Variants in YAP1 observed in about 807,000 individuals in gnomAD.
YAP1 encodes the protein Yes1 associated transcriptional regulator, also known as transcriptional coactivator YAP1.
Under a neutral mutation model 56.9 loss-of-function variants are expected in YAP1, and 5 were observed. That is an observed-to-expected ratio of 0.09 (90% CI 0.05 to 0.18). The LOEUF (loss-of-function observed/expected upper bound fraction) is 0.18, where lower values mean the gene tolerates loss of function less well. YAP1 is among the 10% of genes least tolerant of loss of function. YAP1 has a pLI of 1.00. For missense variants in YAP1, 539 were observed against 651.8 expected, an observed-to-expected ratio of 0.83 and a Z score of 1.88; for synonymous variants, 265 against 248.1, an observed-to-expected ratio of 1.07 and a Z score of -0.64.
At chr11:102,161,260 C>A (rs1331104242) in intron 2 of YAP1, among the ~76,000 whole-genome samples, 1 of 150,834 alleles carries the variant, frequency 6.6e-6, no homozygotes, top group East Asian at 2.0e-4. Flanking sequence ...GATGGGGTTT[C>A]ACCGTGTTAG....
In YAP1 at chr11:102,229,744, G is replaced by A. The variant is rs746828299; in HGVS notation, c.1319G>A (p.Arg440His). The change falls in exon 9 of 9, where the codon CGT (arginine) becomes CAT (histidine). Residue 440 changes from arginine to histidine, a missense_variant. Around this residue, in one of 4 missense-constraint regions of YAP1, gnomAD observed 414 missense variants for 512.4 expected, o/e 0.81. Coordinates refer to ENST00000282441, the MANE Select transcript of YAP1 (RefSeq NM_001130145.3). ...NQSTLPSQQN[R>H]FPDYLEAIPG... is the part of the protein sequence containing the mutation. ...AGCACCCTGCCCTCACAGCAGAACCGTTTCCCAGACTACCTTGAAGCCATT... is the reference window on the plus strand; with the variant it reads ...AGCACCCTGCCCTCACAGCAGAACCATTTCCCAGACTACCTTGAAGCCATT... 17 of 1,614,122 alleles carry A rather than the reference G, an allele frequency of 1.1e-5. No homozygotes were observed. Among genetic ancestry groups the A allele is most frequent in the Admixed American group, 1.7e-5 (1 of 60,008 alleles).
chr11:102,159,966 C>G (rs1358678847), intron 2 of YAP1, among the ~76,000 whole-genome samples: 1 of 147,936 alleles, frequency 6.8e-6, no homozygotes, highest in African/African-American at 2.5e-5. Context: ...TCAAAAGAAT[C>G]AAAAATCTAT....
chr11:102,189,332 C>T (rs1948155127), intron 4 of YAP1, among the ~76,000 whole-genome samples: 1 of 151,968 alleles, frequency 6.6e-6, no homozygotes, highest in Non-Finnish European at 1.5e-5. Context: ...ATTATAATTG[C>T]TGTTCAGAAT....
intron 1 of YAP1, 65 bp downstream of exon 1, chr11:102,111,234 G>A: frequency 1.3e-6 from 2 of 1,587,874 alleles, no homozygotes; most frequent in African/African-American, 1.3e-5. Flanking sequence ...GGGCGCTCGG[G>A]AGCCGCGGCC....
rs571810977 is a variant in YAP1, at chr11:102,137,906, G to A, written c.572+23512G>A. On this transcript the variant is annotated intron_variant, in intron 2 of 8. Transcript: ENST00000282441. ...TTTTTTTTTCTTTTTTTAAATTTCC[G>A]AGATGGAGTCTTGCTCTGTCGCCCA... 8.6e-5 allele frequency among the ~76,000 whole-genome samples: 13 copies of A among 151,498 alleles called. No individual in the cohort carries two copies. The South Asian group carries it at 1.7e-3, about 19-fold the overall frequency.
intron 2 of YAP1, among the ~76,000 whole-genome samples, chr11:102,122,048 T>C (rs1943688004): frequency 6.6e-6 from 1 of 152,158 alleles, no homozygotes; most frequent in Non-Finnish European, 1.5e-5. Context: ...ACCTTAGGCA[T>C]GAACCACCAC....
At chr11:102,129,846 C>G (rs1020531960) in intron 2 of YAP1, among the ~76,000 whole-genome samples, 1 of 142,460 alleles carries the variant, frequency 7.0e-6, no homozygotes, top group Admixed American at 7.4e-5. Flanking sequence ...GTCACCCAGG[C>G]TGGAGTGATG....
At chr11:102,112,425 CTTT>C (rs751339753) in intron 1 of YAP1, 875 of 821,594 alleles carry the variant, frequency 1.1e-3, no homozygotes, top group Middle Eastern at 2.5e-3. Flanking sequence ...ATTTCTTCTT[CTTT>C]TTTTTTTTTT....
chr11:102,182,296 C>T (rs1947673315), intron 3 of YAP1, among the ~76,000 whole-genome samples: 1 of 152,136 alleles, frequency 6.6e-6, no homozygotes, highest in Admixed American at 6.5e-5. Flanking sequence ...ATAAATTGAA[C>T]ATAAAGGCAT....
At chr11:102,169,982 G>A (rs4754835) in intron 3 of YAP1, among the ~76,000 whole-genome samples, 136,581 of 152,258 alleles carry the variant, frequency 0.9, 63,100 homozygotes, top group East Asian at 1. Context: ...ATAATATCCA[G>A]CTTGCAAATG....
rs1219301167 is a variant in YAP1 at position 102,197,528 on chromosome 11, T to C, written c.803-8365T>C. Reference sequence around the variant, plus strand: ...CTTGGGGAAAAAAAACCTATGGTGATGACCCCTTTCTTTTATTTTTGAGAA... The same window carrying C: ...CTTGGGGAAAAAAAACCTATGGTGACGACCCCTTTCTTTTATTTTTGAGAA... On this transcript the variant is annotated intron_variant, in intron 4 of 8. Coordinates refer to ENST00000282441, the MANE Select transcript of YAP1 (RefSeq NM_001130145.3). Among the ~76,000 whole-genome samples, 3 of 152,162 alleles carry C rather than the reference T, an allele frequency of 2.0e-5. No individual in the cohort carries two copies. In the East Asian group the frequency reaches 5.8e-4, roughly 29 times the overall value.
chr11:102,210,054 A>T (rs937265993), intron 6 of YAP1, among the ~76,000 whole-genome samples: 2 of 152,126 alleles, frequency 1.3e-5, no homozygotes, highest in Non-Finnish European at 2.9e-5. Context: ...TTATCAGGAG[A>T]GTATCTGCCT....
rs1051853635 is a variant in YAP1 at position 102,117,979 on chromosome 11, T to G, written c.572+3585T>G. 2.0e-5 allele frequency among the ~76,000 whole-genome samples: 3 copies of G among 152,324 alleles called. No individual in the cohort carries two copies. The South Asian group carries it at 6.2e-4, about 32-fold the overall frequency. ...ATTTCTTTATAAGCTGCTGAATAAC[T>G]TCCTGACTCAGTATTCTATAATATC... On this transcript the variant is annotated intron_variant, in intron 2 of 8. Transcript: ENST00000282441.
Position 102,112,842 on chromosome 11 carries a change from C to G in YAP1, c.322-1302C>G, listed in dbSNP as rs569179648. 62 of 905,170 alleles carry G rather than the reference C, an allele frequency of 6.8e-5. 1 individual carries two copies. The South Asian group carries it at 1.9e-3, about 28-fold the overall frequency. 56.1% of individuals were successfully genotyped at this position (905,170 alleles called of 1,614,324 possible). ...CCCTACAGACTGCACGGTATGTTTT[C>G]AAAGTATAATACACATAGATTGGAT... On this transcript the variant is annotated intron_variant, in intron 1 of 8. Coordinates refer to ENST00000282441, the MANE Select transcript of YAP1 (RefSeq NM_001130145.3).
intron 4 of YAP1, among the ~76,000 whole-genome samples, chr11:102,196,442 A>G (rs1223290342): frequency 6.6e-6 from 1 of 152,190 alleles, no homozygotes; most frequent in Non-Finnish European, 1.5e-5. Context: ...GGAAAACATT[A>G]TAAATGAGAA....
intron 6 of YAP1, among the ~76,000 whole-genome samples, chr11:102,210,217 C>T (rs972282377): frequency 6.6e-6 from 1 of 152,136 alleles, no homozygotes; most frequent in Non-Finnish European, 1.5e-5. Flanking sequence ...GGAAGAATCT[C>T]GTTCTTAAAA....
At chr11:102,214,739 T>G (rs1170557128) in intron 6 of YAP1, among the ~76,000 whole-genome samples, 1 of 152,216 alleles carries the variant, frequency 6.6e-6, no homozygotes, top group Non-Finnish European at 1.5e-5. Flanking sequence ...TCACATACTT[T>G]TAACTGGTTA....
At chr11:102,228,773 T>G (rs1017828720) in intron 8 of YAP1, among the ~76,000 whole-genome samples, 2 of 151,916 alleles carry the variant, frequency 1.3e-5, no homozygotes, top group Non-Finnish European at 2.9e-5. Flanking sequence ...AGTTGACAAC[T>G]GCCAGAGTGC....
At chr11:102,187,785 A>T (rs566139951) in intron 4 of YAP1, among the ~76,000 whole-genome samples, 11 of 152,312 alleles carry the variant, frequency 7.2e-5, no homozygotes, top group African/African-American at 2.4e-4. Flanking sequence ...TTTTAAGAGG[A>T]GGAGGTACTT....
Sources: allele counts gnomAD v4.1 joint callset (sites outside exome capture counted in the v4.1 genomes callset), GRCh38; gene constraint gnomAD v4.1.1; regional missense constraint gnomAD v4.1.1; transcripts MANE v1.5; gene names NCBI Gene and HGNC (gene_info 2026-07-23, HGNC 2026-07-21).